The following RGS3 variants were observed in gnomAD, a reference collection of about 807,000 sequenced individuals.
RGS3 encodes regulator of G protein signaling 3, also known as regulator of G-protein signalling 3.
A neutral mutation model predicts 132.6 loss-of-function variants in RGS3; 80 were observed. The observed-to-expected ratio is 0.60, with a 90% confidence interval of 0.50 to 0.73. RGS3 has a LOEUF of 0.73. Ranked by LOEUF, RGS3 falls within the 30% of genes least tolerant of loss-of-function variation. The pLI is 0.00. For missense variants in RGS3, 1,382 were observed against 1,530.8 expected (o/e 0.90, Z 1.62); for synonymous variants, 598 against 620.6 (o/e 0.96, Z 0.54).
intron 3 of RGS3, among the ~76,000 whole-genome samples, chr9:113,462,393 A>T (rs1319734914): frequency 6.6e-6 from 1 of 152,200 alleles, no homozygotes; most frequent in Non-Finnish European, 1.5e-5. Flanking sequence ...TATGTGATTT[A>T]TCACCAGTTT....
chr9:113,583,562 C>T, exon 20 of RGS3: 9 of 1,614,190 alleles, frequency 5.6e-6, no homozygotes, highest in Non-Finnish European at 6.8e-6. Flanking sequence ...CAGGAGCTTC[C>T]TCCAGGACAA....
intron 7 of RGS3, among the ~76,000 whole-genome samples, chr9:113,487,984 GT>G (rs1455389139): frequency 6.6e-6 from 1 of 152,198 alleles, no homozygotes; most frequent in African/African-American, 2.4e-5. Flanking sequence ...TCACTTTGGT[GT>G]TTGGGAATGT....
At chr9:113,517,368 G>C (rs745882539) in intron 15 of RGS3, 173 bp from the exon 14 acceptor site, 3 of 699,014 alleles carry the variant, frequency 4.3e-6, no homozygotes, top group Non-Finnish European at 7.9e-6. Context: ...CTCTCTTTCT[G>C]TTTCCATCTT....
chr9:113,584,462 T>A, intron 20 of RGS3, 35 bp downstream of exon 18: 2 of 1,495,662 alleles, frequency 1.3e-6, no homozygotes, highest in Non-Finnish European at 1.8e-6. Context: ...GAAGGATACA[T>A]GCAATGTGGG....
chr9:113,451,782 A>G (rs994460323), intron 1 of RGS3, among the ~76,000 whole-genome samples: 2 of 151,924 alleles, frequency 1.3e-5, no homozygotes, highest in African/African-American at 4.8e-5. Flanking sequence ...CCATGTGGTT[A>G]GCATTTCCAG....
chr9:113,517,621 C>A, exon 16 of RGS3: 1 of 1,613,050 alleles, frequency 6.2e-7, no homozygotes, highest in Non-Finnish European at 8.5e-7. Flanking sequence ...ACAAGGCTGC[C>A]GAGGTAAGAC....
At chr9:113,555,067 TCTTTC>T (rs1434147087) in intron 19 of RGS3, among the ~76,000 whole-genome samples, 1 of 152,238 alleles carries the variant, frequency 6.6e-6, no homozygotes, top group Non-Finnish European at 1.5e-5. Context: ...TTTTGAATTG[TCTTTC>T]CTTTCTTCAC....
chr9:113,561,853 C>T (rs1306910732), intron 19 of RGS3, among the ~76,000 whole-genome samples: 1 of 152,234 alleles, frequency 6.6e-6, no homozygotes, highest in Non-Finnish European at 1.5e-5. Context: ...GCTGTTGCTG[C>T]ATCCCCCCTG....
Position 113,507,251 on chromosome 9 carries a change from A to G in RGS3, c.1086-36A>G, listed in dbSNP as rs1831169639. On this transcript the variant is annotated intron_variant, in intron 12 of 24. Coordinates refer to ENST00000350696, the Ensembl canonical transcript of RGS3. The surrounding 1 kb of genome is among the most constrained non-coding windows in gnomAD (Gnocchi z 5.0). ...ACTCTGGCTGATACTGGCTTTCCCC[A>G]GGCTCAACCTGTCTGTGTGATCCCC... The G allele has an allele frequency of 6.5e-7, 1 of 1,545,822 alleles. No homozygotes were observed. The highest frequency in any genetic ancestry group is 1.4e-5 in the African/African-American group (1 of 73,982).
At chr9:113,481,818 G>A (rs1022558349) in intron 4 of RGS3, among the ~76,000 whole-genome samples, 2 of 152,124 alleles carry the variant, frequency 1.3e-5, no homozygotes, top group African/African-American at 4.8e-5. Flanking sequence ...AGGCTGAGGC[G>A]GGCCAATCAC....
At chr9:113,450,436 C>T (rs751143100) in intron 1 of RGS3, among the ~76,000 whole-genome samples, 6 of 152,154 alleles carry the variant, frequency 3.9e-5, no homozygotes, top group Non-Finnish European at 8.8e-5. Flanking sequence ...TAAGAAAACA[C>T]GTCAGTCACT....
At chr9:113,531,441 T>C (rs1832459946) in intron 18 of RGS3, among the ~76,000 whole-genome samples, 1 of 152,116 alleles carries the variant, frequency 6.6e-6, no homozygotes, top group Non-Finnish European at 1.5e-5. Flanking sequence ...CCTGCAGGGT[T>C]GTGGTAATGA....
At position 113,577,156 on chromosome 9, in the gene RGS3, G is replaced by A. The variant is rs187473691; in HGVS notation, c.2038-6294G>A. On this transcript the variant is annotated intron_variant, in intron 19 of 24. Transcript: ENST00000350696. ...GCGCCATGTTGCCTGGCTAATTCTC[G>A]TATTTTTAGTAGAGACAGGGTTTTA... Among the ~76,000 whole-genome samples, 38 of 152,078 alleles carry A rather than the reference G, an allele frequency of 2.5e-4. 1 individual carries two copies. Among genetic ancestry groups the A allele is most frequent in the Admixed American group, 2.1e-3 (32 of 15,266 alleles).
chr9:113,532,822 A>G (rs747026881), intron 18 of RGS3, among the ~76,000 whole-genome samples: 1 of 151,962 alleles, frequency 6.6e-6, no homozygotes, highest in African/African-American at 2.4e-5. Context: ...TTTTGTAGGG[A>G]GGGGGACACC....
At chr9:113,482,057 AAAAC>A (rs1830179059) in intron 4 of RGS3, among the ~76,000 whole-genome samples, 1 of 151,692 alleles carries the variant, frequency 6.6e-6, no homozygotes, top group Non-Finnish European at 1.5e-5. Context: ...AAAAAAAAAA[AAAAC>A]AAAAAAAACA....
chr9:113,569,570 T>TTTCCTTCTTTCC (rs1834173322), intron 19 of RGS3, among the ~76,000 whole-genome samples: 3 of 122,596 alleles, frequency 2.4e-5, no homozygotes, highest in East Asian at 2.7e-4. Flanking sequence ...CTTCCGTGTC[T>TTTCCTTCTTTCC]TTCCTTCTTT....
chr9:113,502,809 G>T (rs1003534733), intron 10 of RGS3, among the ~76,000 whole-genome samples: 2 of 152,306 alleles, frequency 1.3e-5, no homozygotes, highest in Middle Eastern at 6.8e-3. Flanking sequence ...CAAGCTTTTT[G>T]TCAGGTCTGA....
chr9:113,519,747 T>C (rs1259609822), intron 16 of RGS3, among the ~76,000 whole-genome samples: 1 of 152,114 alleles, frequency 6.6e-6, no homozygotes, highest in Non-Finnish European at 1.5e-5. Flanking sequence ...AAATCTTTAT[T>C]TGTGGAATGT....
At position 113,495,850 on chromosome 9, in the gene RGS3, G is replaced by T; in HGVS notation, c.750+4G>T. 6.2e-7 allele frequency: 1 copy of T among 1,613,374 alleles called. No homozygotes were observed. The highest frequency in any genetic ancestry group is 8.5e-7 in the Non-Finnish European group (1 of 1,179,312). On this transcript the variant is annotated splice_donor_region_variant and intron_variant, in intron 8 of 24. Coordinates refer to ENST00000350696, the Ensembl canonical transcript of RGS3. ...GTCTCTCCTGACTCCAGACAAGGTG[G>T]GTCCTAGGGATGCTTCTGTCAGGAT... is the stretch of plus-strand genomic sequence containing the variant.
Sources: gnomAD v4.1 joint callset for allele counts (sites outside exome capture counted in the v4.1 genomes callset) on GRCh38, gnomAD v4.1.1 for gene constraint, Gnocchi (gnomAD v3.1) non-coding constraint, MANE v1.5 for transcripts, NCBI Gene and HGNC (gene_info 2026-07-23, HGNC 2026-07-21) for gene names.